Variants in SLC35F1 observed in about 807,000 individuals in gnomAD.
SLC35F1 encodes the protein chromosome 6 open reading frame 169.
In SLC35F1, 14 loss-of-function variants were observed where a neutral mutation model predicts 48.7. The observed-to-expected ratio is 0.29, with a 90% CI of 0.19 to 0.45. SLC35F1 has a LOEUF of 0.45. Ranked by LOEUF, SLC35F1 falls within the 20% of genes least tolerant of loss-of-function variation. The pLI is 1.00. For synonymous variants in SLC35F1, 190 were observed against 202.2 expected, an observed-to-expected ratio of 0.94 and a Z score of 0.51; for missense variants, 404 against 500.0, an observed-to-expected ratio of 0.81 and a Z score of 1.83.
chr6:117,992,828 A>G (rs1231555766), intron 1 of SLC35F1, among the ~76,000 whole-genome samples: 2 of 152,188 alleles, frequency 1.3e-5, no homozygotes, highest in Admixed American at 1.3e-4. Flanking sequence ...AGTATCTCTG[A>G]AGAGTACTTT....
At chr6:118,085,913 G>A (rs1265038488) in intron 1 of SLC35F1, among the ~76,000 whole-genome samples, 1 of 152,026 alleles carries the variant, frequency 6.6e-6, no homozygotes, top group Non-Finnish European at 1.5e-5. Context: ...GTGGTTCTAT[G>A]CTGACTTCTG....
chr6:118,041,776 T>G (rs969418653), intron 1 of SLC35F1, among the ~76,000 whole-genome samples: 4 of 152,052 alleles, frequency 2.6e-5, no homozygotes, highest in African/African-American at 9.7e-5. Context: ...ACAAGCTTGG[T>G]GTATCAGAAA....
At chr6:118,154,250 T>A (rs1202141536) in intron 1 of SLC35F1, among the ~76,000 whole-genome samples, 195 bp from the exon 2 acceptor site, 1 of 152,174 alleles carries the variant, frequency 6.6e-6, no homozygotes, top group Non-Finnish European at 1.5e-5. Context: ...CCACTCTAAG[T>A]TTTGGTTTCC....
At chr6:117,914,699 T>C (rs1042585999) in intron 1 of SLC35F1, among the ~76,000 whole-genome samples, 5 of 152,172 alleles carry the variant, frequency 3.3e-5, no homozygotes, top group Non-Finnish European at 7.3e-5. Context: ...AGATAACATA[T>C]ACCTCTCAAA....
At chr6:117,919,858 C>T (rs2114799707) in intron 1 of SLC35F1, among the ~76,000 whole-genome samples, 1 of 152,244 alleles carries the variant, frequency 6.6e-6, no homozygotes, top group South Asian at 2.1e-4. Flanking sequence ...CCAGGAGCTC[C>T]GCGGTACCTG....
intron 2 of SLC35F1, among the ~76,000 whole-genome samples, chr6:118,224,194 C>T (rs573647435): frequency 6.6e-6 from 1 of 152,252 alleles, no homozygotes; most frequent in South Asian, 2.1e-4. Flanking sequence ...AATTTCAAAT[C>T]AAAGCATCCA....
intron 1 of SLC35F1, among the ~76,000 whole-genome samples, chr6:118,039,436 A>AT (rs913719132): frequency 6.6e-5 from 10 of 151,742 alleles, no homozygotes; most frequent in Non-Finnish European, 1.3e-4. Flanking sequence ...CTTTAAATAT[A>AT]TTTTTTTCTA....
chr6:118,171,274 A>C (rs1323503117), intron 2 of SLC35F1, among the ~76,000 whole-genome samples: 2 of 152,094 alleles, frequency 1.3e-5, no homozygotes, highest in African/African-American at 2.4e-5. Flanking sequence ...TCCAGGGCTC[A>C]AGAACTTTGG....
chr6:118,243,088 A>G (rs1775461919), intron 3 of SLC35F1, among the ~76,000 whole-genome samples: 1 of 152,222 alleles, frequency 6.6e-6, no homozygotes, highest in Non-Finnish European at 1.5e-5. Context: ...GCAGTGTGAT[A>G]TCCAACCTTA....
intron 1 of SLC35F1, among the ~76,000 whole-genome samples, chr6:117,928,797 G>T (rs760954596): frequency 6.6e-6 from 1 of 152,096 alleles, no homozygotes; most frequent in South Asian, 2.1e-4. Flanking sequence ...TACATGGTCT[G>T]CAGTTATGGC....
chr6:118,060,637 A>T (rs900384813), intron 1 of SLC35F1, among the ~76,000 whole-genome samples: 1 of 152,216 alleles, frequency 6.6e-6, no homozygotes, highest in African/African-American at 2.4e-5. Context: ...TAGAATCAGA[A>T]AATACAAAAT....
intron 1 of SLC35F1, among the ~76,000 whole-genome samples, chr6:117,948,894 AG>A (rs1776327218): frequency 6.6e-6 from 1 of 152,156 alleles, no homozygotes; most frequent in Middle Eastern, 3.2e-3. Context: ...AGACAGCAAA[AG>A]ATATTCCAAG....
chr6:118,111,369 T>A (rs1773397287), intron 1 of SLC35F1, among the ~76,000 whole-genome samples: 1 of 152,142 alleles, frequency 6.6e-6, no homozygotes, highest in East Asian at 1.9e-4. Flanking sequence ...ACATCTTACC[T>A]ACAGAAGGGC....
chr6:118,016,798 C>T (rs1009362534), intron 1 of SLC35F1, among the ~76,000 whole-genome samples: 1 of 152,168 alleles, frequency 6.6e-6, no homozygotes, highest in Non-Finnish European at 1.5e-5. Flanking sequence ...CACAGTAGCA[C>T]TTTTGAGGCT....
At chr6:118,275,322 C>A in intron 4 of SLC35F1, 137 bp from the exon 5 acceptor site, 1 of 935,510 alleles carries the variant, frequency 1.1e-6, no homozygotes, top group Non-Finnish European at 1.6e-6. Flanking sequence ...TTTACTAAAT[C>A]TCAGTTGGAA....
chr6:118,263,452 A>G (rs1775736559), intron 3 of SLC35F1, among the ~76,000 whole-genome samples: 1 of 152,214 alleles, frequency 6.6e-6, no homozygotes, highest in African/African-American at 2.4e-5. Flanking sequence ...TTAAATCCTT[A>G]GGGGGAAAAA....
chr6:118,234,252 T>C lies in SLC35F1; in HGVS notation c.350-1257T>C, dbSNP rs573055202. 1.3e-5 allele frequency among the ~76,000 whole-genome samples: 2 copies of C among 152,290 alleles called. 1 individual carries two copies. The highest frequency in any genetic ancestry group is 1.3e-4 in the Admixed American group (2 of 15,298). Reference sequence around the variant, plus strand: ...GTATTCACTCCCTTATGAAATTCTCTCCCCTTGAATGTGGGCTGGACTTAT... The same window carrying C: ...GTATTCACTCCCTTATGAAATTCTCCCCCCTTGAATGTGGGCTGGACTTAT... On this transcript the variant is annotated intron_variant, in intron 2 of 7. Coordinates refer to ENST00000360388, the MANE Select transcript of SLC35F1 (RefSeq NM_001029858.4).
chr6:118,031,635 G>A (rs1166440710), intron 1 of SLC35F1, among the ~76,000 whole-genome samples: 2 of 152,178 alleles, frequency 1.3e-5, no homozygotes, highest in Non-Finnish European at 2.9e-5. Context: ...AGAAGAAAAC[G>A]GCTTTATTGA....
intron 2 of SLC35F1, among the ~76,000 whole-genome samples, chr6:118,177,433 C>A (rs1181233633): frequency 2.6e-5 from 4 of 152,254 alleles, no homozygotes; most frequent in African/African-American, 9.6e-5. Flanking sequence ...ATCCCTCCCA[C>A]ATACCCTACA....
Sources: gnomAD v4.1 joint callset for allele counts (sites outside exome capture counted in the v4.1 genomes callset) on GRCh38, gnomAD v4.1.1 for gene constraint, MANE v1.5 for transcripts, NCBI Gene and HGNC (gene_info 2026-07-23, HGNC 2026-07-21) for gene names.